The following HESX1 variants were observed in gnomAD, a reference collection of about 807,000 sequenced individuals.
The protein encoded by HESX1 is homeobox expressed in ES cells 1.
HESX1 carries 11 observed loss-of-function variants against 22.5 expected under a neutral mutation model. The observed-to-expected ratio is 0.49, with a 90% CI of 0.31 to 0.81. The LOEUF is 0.81. Ranked by LOEUF, HESX1 falls within the 30% of genes least tolerant of loss-of-function variation. The pLI is 0.05. For synonymous variants in HESX1, 74 were observed against 76.5 expected (o/e 0.97, Z 0.17); for missense variants, 201 against 212.6 (o/e 0.95, Z 0.34).
chr3:57,199,655 AT>A, intron 1 of HESX1, 106 bp downstream of exon 1: 1 of 242,072 alleles, frequency 4.1e-6, no homozygotes, highest in Non-Finnish European at 5.9e-6. Flanking sequence ...ATAATAATAA[AT>A]TAAATTAAAG....
upstream of HESX1, among the ~76,000 whole-genome samples, chr3:57,200,699 C>T (rs917815346): frequency 6.6e-6 from 1 of 152,140 alleles, no homozygotes; most frequent in African/African-American, 2.4e-5. Context: ...TATGAAGGTT[C>T]ATATGTAATC....
chr3:57,226,782 T>A (rs2060648643), upstream of HESX1, among the ~76,000 whole-genome samples: 1 of 152,214 alleles, frequency 6.6e-6, no homozygotes, highest in Admixed American at 6.5e-5. Context: ...AATTAATGGC[T>A]AGATGTTTAG....
chr3:57,218,486 C>G (rs1275174125), intron 1 of HESX1, among the ~76,000 whole-genome samples: 1 of 132,336 alleles, frequency 7.6e-6, no homozygotes, highest in Non-Finnish European at 1.5e-5. Flanking sequence ...GTCTTTTGCT[C>G]AGGCTGGAGT....
chr3:57,206,961 T>A (rs989777887), intron 1 of HESX1, among the ~76,000 whole-genome samples: 9 of 150,178 alleles, frequency 6.0e-5, no homozygotes, highest in African/African-American at 2.2e-4. Flanking sequence ...GCAGTATAAT[T>A]TTTTTTTTTT....
intron 1 of HESX1, 150 bp downstream of exon 1, chr3:57,199,610 ACT>A (rs2060471075): frequency 5.3e-6 from 2 of 377,194 alleles, no homozygotes; most frequent in Non-Finnish European, 4.1e-6. Flanking sequence ...CAAGACCAAC[ACT>A]CTGTCTCAGA....
chr3:57,199,674 C>T (rs1242828200), intron 1 of HESX1, 88 bp downstream of exon 1: 3 of 1,115,760 alleles, frequency 2.7e-6, no homozygotes, highest in African/African-American at 3.1e-5. Flanking sequence ...AAGTCCTAAA[C>T]TCTAGCTCTA....
chr3:57,217,908 T>G (rs796332233), intron 1 of HESX1, among the ~76,000 whole-genome samples: 25 of 152,222 alleles, frequency 1.6e-4, no homozygotes, highest in African/African-American at 6.0e-4. Flanking sequence ...TCACAGGCTC[T>G]GAAACCTCAC....
upstream of HESX1, among the ~76,000 whole-genome samples, chr3:57,200,464 T>A (rs146230009): frequency 2.0e-5 from 3 of 152,340 alleles, no homozygotes; most frequent in East Asian, 3.9e-4. Context: ...TGAAAATGCC[T>A]GTTTTTCATA....
chr3:57,201,994 C>T (rs1215505101), upstream of HESX1, among the ~76,000 whole-genome samples: 6 of 151,596 alleles, frequency 4.0e-5, no homozygotes, highest in African/African-American at 7.3e-5. Context: ...TCTCGGCTCA[C>T]GGCAAGCTCC....
intron 1 of HESX1, among the ~76,000 whole-genome samples, chr3:57,215,685 T>C (rs2060579121): frequency 6.6e-6 from 1 of 152,102 alleles, no homozygotes; most frequent in African/African-American, 2.4e-5. Flanking sequence ...GAGAATCGCT[T>C]GAACCCGGGA....
chr3:57,208,338 C>T (rs1049387844), intron 1 of HESX1, among the ~76,000 whole-genome samples: 5 of 139,504 alleles, frequency 3.6e-5, no homozygotes, highest in African/African-American at 1.2e-4. Flanking sequence ...AGTATATTGA[C>T]GTCTACAACT....
chr3:57,226,367 G>C (rs1243369282), exon 1 of HESX1: 1 of 152,048 alleles, frequency 6.6e-6, no homozygotes, highest in Non-Finnish European at 1.5e-5. Context: ...GAGATATCAA[G>C]GAAAAAGAAA....
chr3:57,216,975 T>A (rs1304713270), intron 1 of HESX1, among the ~76,000 whole-genome samples: 1 of 152,234 alleles, frequency 6.6e-6, no homozygotes, highest in Non-Finnish European at 1.5e-5. Flanking sequence ...TTTATTATGA[T>A]GTTCAAATTT....
rs768165720 is a variant in HESX1, at chr3:57,198,784, C to T, written c.326G>A (p.Arg109Gln). 7.4e-5 allele frequency: 120 copies of T among 1,613,968 alleles called. No individual in the cohort carries two copies. The highest frequency in any genetic ancestry group is 1.8e-4 in the East Asian group (8 of 44,880). Residue 109 changes from arginine to glutamine, a missense_variant, in exon 2 of 4, where the codon CGA (arginine) becomes CAA (glutamine). Physicochemically the swap from Arg to Gln is conservative, Grantham distance 43. Transcript: ENST00000295934. ...LKRELSWYRG[R>Q]RPRTAFTQNQ... Reference sequence around the variant, plus strand: ...TTGAGTAAAAGCAGTTCTTGGTCTTCGGCCTCTATACCAACTCAACTCTCT... The same window carrying T: ...TTGAGTAAAAGCAGTTCTTGGTCTTTGGCCTCTATACCAACTCAACTCTCT...
chr3:57,219,406 C>T (rs1034473371), intron 1 of HESX1, among the ~76,000 whole-genome samples: 4 of 151,094 alleles, frequency 2.6e-5, no homozygotes, highest in Non-Finnish European at 4.4e-5. Context: ...CTTGCTCTGT[C>T]GCCCAGGCTG....
upstream of HESX1, among the ~76,000 whole-genome samples, chr3:57,200,899 A>C (rs2060481922): frequency 6.6e-6 from 1 of 152,218 alleles, no homozygotes; most frequent in South Asian, 2.1e-4. Context: ...AGAATGTTTT[A>C]ATTTCATAAT....
chr3:57,204,947 T>C (rs561265161), upstream of HESX1, among the ~76,000 whole-genome samples: 10 of 152,102 alleles, frequency 6.6e-5, no homozygotes, highest in Admixed American at 5.2e-4. Context: ...AATCTGGAGA[T>C]ACAAGAATAC....
Position 57,197,910 on chromosome 3 carries a change from A to G in HESX1, c.*287T>C, listed in dbSNP as rs1049454331. ...CAGCTTGTGGAATCACTTAGTCATG[A>G]GTCTATTGATTTTAACAAACTAATT... On this transcript the variant is annotated 3_prime_UTR_variant, in exon 4 of 4. Coordinates refer to ENST00000295934, the MANE Select transcript of HESX1 (RefSeq NM_003865.3). The G allele has an allele frequency of 2.4e-5, 6 of 246,000 alleles. No homozygotes were observed. Among genetic ancestry groups the G allele is most frequent in the Non-Finnish European group, 3.1e-5 (4 of 128,466 alleles). 15.2% of individuals were successfully genotyped at this position (246,000 alleles called of 1,614,324 possible). A position where few individuals can be genotyped will look rare whatever the true frequency, so the allele number is the denominator to read the frequency against.
exon 1 of HESX1, chr3:57,226,366 A>G (rs1457087671): frequency 6.6e-6 from 1 of 152,166 alleles, no homozygotes; most frequent in East Asian, 1.9e-4. Context: ...TGAGATATCA[A>G]GGAAAAAGAA....
Sources: allele counts gnomAD v4.1 joint callset (sites outside exome capture counted in the v4.1 genomes callset), GRCh38; gene constraint gnomAD v4.1.1; transcripts MANE v1.5; gene names NCBI Gene and HGNC (gene_info 2026-07-23, HGNC 2026-07-21).